The following P3H2 variants were observed in gnomAD, a reference collection of about 807,000 sequenced individuals.
P3H2 encodes the protein prolyl 3-hydroxylase 2.
A neutral mutation model predicts 87.0 loss-of-function variants in P3H2; 80 were observed. That is an observed-to-expected ratio of 0.92 (90% CI 0.77 to 1.11). The LOEUF is 1.11. Among genes scored for constraint, P3H2 ranks in the 50% least tolerant of loss-of-function variants. P3H2 has a pLI of 0.00. For missense variants in P3H2, 1,001 were observed against 923.9 expected (o/e 1.08, Z -1.08); for synonymous variants, 367 against 359.3 (o/e 1.02, Z -0.24).
chr3:190,058,154 T>C (rs1199682364), intron 1 of P3H2, among the ~76,000 whole-genome samples: 1 of 152,126 alleles, frequency 6.6e-6, no homozygotes, highest in Non-Finnish European at 1.5e-5. Flanking sequence ...GGAGAATATA[T>C]ATTCCTCAAC....
intron 1 of P3H2, among the ~76,000 whole-genome samples, chr3:190,098,254 A>C (rs1232634657): frequency 2.6e-5 from 4 of 152,188 alleles, no homozygotes; most frequent in Non-Finnish European, 4.4e-5. Context: ...ATTTTACAGA[A>C]GGAGAAACTA....
intron 8 of P3H2, among the ~76,000 whole-genome samples, chr3:189,981,195 C>G (rs1723522867): frequency 6.6e-6 from 1 of 152,196 alleles, no homozygotes; most frequent in Non-Finnish European, 1.5e-5. Flanking sequence ...TAACCTAACC[C>G]AAAGTCAGGA....
chr3:189,962,933 GAGA>G (rs1434896113), intron 14 of P3H2, among the ~76,000 whole-genome samples: 2 of 152,208 alleles, frequency 1.3e-5, no homozygotes, highest in African/African-American at 4.8e-5. Flanking sequence ...CTTAGGGCTG[GAGA>G]AGATTTGGAG....
At chr3:190,067,490 T>C (rs1179716691) in intron 1 of P3H2, among the ~76,000 whole-genome samples, 1 of 152,164 alleles carries the variant, frequency 6.6e-6, no homozygotes, top group Admixed American at 6.5e-5. Context: ...AATCTCCCTA[T>C]GACAAATTCT....
chr3:190,111,251 C>G (rs76630240), intron 1 of P3H2, among the ~76,000 whole-genome samples: 6,074 of 152,244 alleles, frequency 0.04, 249 homozygotes, highest in African/African-American at 0.11. Flanking sequence ...GCATATAATG[C>G]AAGTGGCATG....
intron 1 of P3H2, among the ~76,000 whole-genome samples, chr3:190,012,522 A>G (rs1724626656): frequency 6.6e-6 from 1 of 152,184 alleles, no homozygotes; most frequent in Non-Finnish European, 1.5e-5. Flanking sequence ...GCTGTTTTCT[A>G]AAATACGGTC....
Position 189,957,631 on chromosome 3 carries a change from G to A in P3H2, c.*281C>T, listed in dbSNP as rs1560334505. ...GCCTAAGAGTTTGAGGCTCCAGTGT[G>A]CTATCATCACATCTGTGAATAGCCA... is the stretch of plus-strand genomic sequence containing the variant. On this transcript the variant is annotated 3_prime_UTR_variant, in exon 15 of 15. Coordinates refer to ENST00000319332, the MANE Select transcript of P3H2 (RefSeq NM_018192.4). 2.1e-6 allele frequency: 1 copy of A among 486,874 alleles called. No homozygotes were observed. The highest frequency in any genetic ancestry group is 3.7e-6 in the Non-Finnish European group (1 of 271,682). The allele number at this position is 486,874 out of a possible 1,614,324, so 30.2% of individuals were successfully genotyped here.
At chr3:189,969,861 T>C (rs1037126890) in intron 13 of P3H2, 13 of 1,381,706 alleles carry the variant, frequency 9.4e-6, no homozygotes, top group South Asian at 1.2e-5. Context: ...CTTGAGGCCA[T>C]GTCCGCACAG....
At chr3:190,053,330 T>C (rs1726042247) in intron 1 of P3H2, among the ~76,000 whole-genome samples, 1 of 152,200 alleles carries the variant, frequency 6.6e-6, no homozygotes, top group Non-Finnish European at 1.5e-5. Flanking sequence ...TTGGATTTTC[T>C]TATTGAATTT....
At chr3:190,067,007 C>CTTTT (rs759812431) in intron 1 of P3H2, among the ~76,000 whole-genome samples, 3 of 145,136 alleles carry the variant, frequency 2.1e-5, no homozygotes, top group African/African-American at 8.0e-5. Flanking sequence ...TTTTAATTTT[C>CTTTT]TTTCTTTTTT....
chr3:189,962,161 C>CTTTT (rs770628547), intron 14 of P3H2, among the ~76,000 whole-genome samples: 23 of 87,596 alleles, frequency 2.6e-4, no homozygotes, highest in African/African-American at 9.0e-4. Context: ...TCTTCTTCTT[C>CTTTT]TTTTTTTTTT....
At chr3:189,983,440 T>C (rs1223042424) in intron 7 of P3H2, 4 of 347,052 alleles carry the variant, frequency 1.2e-5, no homozygotes, top group African/African-American at 6.2e-5. Context: ...AAAATTATCA[T>C]GAGCATCTTT....
chr3:190,050,142 C>CCA (rs1347521436), intron 1 of P3H2, among the ~76,000 whole-genome samples: 2 of 152,166 alleles, frequency 1.3e-5, no homozygotes, highest in African/African-American at 4.8e-5. Context: ...AACAAAATTG[C>CCA]TACTTTCCAA....
At chr3:190,049,230 C>G (rs1353986234) in intron 1 of P3H2, among the ~76,000 whole-genome samples, 4 of 151,744 alleles carry the variant, frequency 2.6e-5, no homozygotes, top group Admixed American at 2.6e-4. Flanking sequence ...GAGAAACACA[C>G]ATATGTGAGG....
At position 189,970,830 on chromosome 3, in the gene P3H2, C is replaced by A. The variant is rs754597633; in HGVS notation, c.1879G>T (p.Ala627Ser). 1.3e-6 allele frequency: 2 copies of A among 1,582,796 alleles called. No homozygotes were observed. Among genetic ancestry groups the A allele is most frequent in the African/African-American group, 1.3e-5 (1 of 74,452 alleles). Residue 627 changes from alanine (A) to serine (S), a missense_variant, in exon 13 of 15, where the codon GCT (alanine) becomes TCT (serine). Transcript: ENST00000319332. ...GGTTTACTTACAGTCACAGTCTTAG[C>A]ATCCATCTCTGTGAATATGAATTCT... ...GGEFIFTEMD[A>S]KTVTASIKPK... is the part of the protein sequence containing the mutation.
At chr3:190,115,489 A>G (rs999070171) in intron 1 of P3H2, among the ~76,000 whole-genome samples, 1 of 152,166 alleles carries the variant, frequency 6.6e-6, no homozygotes, top group African/African-American at 2.4e-5. Flanking sequence ...CAGATAAGAA[A>G]GAAAAGTATC....
intron 1 of P3H2, among the ~76,000 whole-genome samples, chr3:190,074,553 C>CAATT (rs1472212327): frequency 1.3e-5 from 2 of 151,920 alleles, no homozygotes; most frequent in African/African-American, 4.8e-5. Flanking sequence ...TCTAAAGGTA[C>CAATT]AATTTCACAC....
intron 1 of P3H2, among the ~76,000 whole-genome samples, chr3:190,118,154 CA>C (rs1712369617): frequency 6.6e-6 from 1 of 152,128 alleles, no homozygotes; most frequent in Non-Finnish European, 1.5e-5. Context: ...AAATGACTGA[CA>C]AATGCTGACA....
chr3:189,959,896 GT>G, intron 14 of P3H2, among the ~76,000 whole-genome samples: 1 of 149,114 alleles, frequency 6.7e-6, no homozygotes, highest in African/African-American at 2.5e-5. Context: ...GTGTGTGTGT[GT>G]GTGTGTGTGT....
Sources: allele counts gnomAD v4.1 joint callset (sites outside exome capture counted in the v4.1 genomes callset), GRCh38; gene constraint gnomAD v4.1.1; transcripts MANE v1.5; gene names NCBI Gene and HGNC (gene_info 2026-07-23, HGNC 2026-07-21).